CADPS: variants seen among roughly 807,000 people sequenced by gnomAD.
The protein encoded by CADPS is calcium-dependent secretion activator 1.
CADPS carries 57 observed loss-of-function variants against 167.3 expected under a neutral mutation model. The ratio of observed to expected loss-of-function variants is 0.34; its 90% confidence interval spans 0.28 to 0.42. The LOEUF is 0.42. Among genes scored for constraint, CADPS ranks in the 20% least tolerant of loss-of-function variants. CADPS has a pLI of 1.00. For synonymous variants in CADPS, 676 were observed against 635.3 expected, an observed-to-expected ratio of 1.06 and a Z score of -0.96; for missense variants, 1,414 against 1,738.1, an observed-to-expected ratio of 0.81 and a Z score of 3.32.
chr3:62,488,681 A>G (rs1180242281), intron 21 of CADPS, among the ~76,000 whole-genome samples: 3 of 151,784 alleles, frequency 2.0e-5, no homozygotes, highest in African/African-American at 7.3e-5. Context: ...GTAGAGATGG[A>G]GTCTGGTTAT....
intron 1 of CADPS, among the ~76,000 whole-genome samples, chr3:62,806,399 G>A (rs2094103465): frequency 6.6e-6 from 1 of 150,988 alleles, no homozygotes; most frequent in African/African-American, 2.4e-5. Context: ...GGGTGTGGTG[G>A]CATGCAACTG....
intron 3 of CADPS, among the ~76,000 whole-genome samples, chr3:62,752,859 T>A (rs1002786671): frequency 2.6e-5 from 4 of 152,268 alleles, no homozygotes; most frequent in African/African-American, 9.6e-5. Flanking sequence ...TATCAAGATA[T>A]GAGATACCTC....
chr3:62,727,308 C>G (rs899710416), intron 3 of CADPS, among the ~76,000 whole-genome samples: 1 of 151,826 alleles, frequency 6.6e-6, no homozygotes. Context: ...AAATAAAGCT[C>G]ATAGATGTGA....
At chr3:62,722,241 T>C (rs963701588) in intron 3 of CADPS, among the ~76,000 whole-genome samples, 4 of 152,202 alleles carry the variant, frequency 2.6e-5, no homozygotes, top group Non-Finnish European at 4.4e-5. Flanking sequence ...GAGGGGCTTC[T>C]TCCTACCTCT....
chr3:62,424,456 T>G (rs1294573955), intron 28 of CADPS, among the ~76,000 whole-genome samples: 1 of 152,164 alleles, frequency 6.6e-6, no homozygotes, highest in Non-Finnish European at 1.5e-5. Context: ...GTGCTGGTAC[T>G]ACAGGCATGA....
At chr3:62,603,605 AT>A (rs1027553102) in intron 6 of CADPS, among the ~76,000 whole-genome samples, 3 of 151,848 alleles carry the variant, frequency 2.0e-5, no homozygotes, top group African/African-American at 7.3e-5. Context: ...TAATGGGCTG[AT>A]TTTTTTTCTG....
intron 26 of CADPS, among the ~76,000 whole-genome samples, chr3:62,464,249 C>T (rs969868136): frequency 1.4e-4 from 21 of 152,176 alleles, no homozygotes; most frequent in African/African-American, 4.8e-4. Flanking sequence ...CAGCTGTTAA[C>T]ATTGGCAATG....
At chr3:62,623,801 T>A (rs556299120) in intron 6 of CADPS, among the ~76,000 whole-genome samples, 1 of 152,094 alleles carries the variant, frequency 6.6e-6, no homozygotes, top group Non-Finnish European at 1.5e-5. Context: ...CTTAAACCAC[T>A]GTTTCAGTCA....
intron 3 of CADPS, among the ~76,000 whole-genome samples, chr3:62,697,647 C>T (rs940141815): frequency 3.3e-5 from 5 of 152,048 alleles, no homozygotes; most frequent in African/African-American, 1.2e-4. Flanking sequence ...GGATCAAATG[C>T]TAAATCTACT....
At chr3:62,767,168 T>G (rs1347863100) in intron 1 of CADPS, among the ~76,000 whole-genome samples, 1 of 152,204 alleles carries the variant, frequency 6.6e-6, no homozygotes, top group Non-Finnish European at 1.5e-5. Context: ...AGTTAAACTT[T>G]TTGTAAAAAG....
chr3:62,779,423 T>A, intron 1 of CADPS: 1 of 485,380 alleles, frequency 2.1e-6, no homozygotes, highest in Non-Finnish European at 4.0e-6. Context: ...TTAATTTCAT[T>A]CTTGATTATT....
chr3:62,598,507 C>T (rs746340260), intron 6 of CADPS, among the ~76,000 whole-genome samples: 1 of 152,196 alleles, frequency 6.6e-6, no homozygotes, highest in Non-Finnish European at 1.5e-5. Flanking sequence ...ACGGAGAGAT[C>T]TGGCTATATT....
At chr3:62,704,973 C>G (rs1176504858) in intron 3 of CADPS, among the ~76,000 whole-genome samples, 1 of 152,090 alleles carries the variant, frequency 6.6e-6, no homozygotes, top group Non-Finnish European at 1.5e-5. Flanking sequence ...ATCAAGTGCA[C>G]AGGAACACCC....
intron 3 of CADPS, among the ~76,000 whole-genome samples, chr3:62,726,458 T>C (rs2076764490): frequency 1.3e-5 from 2 of 151,896 alleles, no homozygotes; most frequent in African/African-American, 4.9e-5. Flanking sequence ...CCTGAGTTCC[T>C]CAGTAGATCA....
chr3:62,717,918 C>T (rs779723960), intron 3 of CADPS, among the ~76,000 whole-genome samples: 8 of 152,178 alleles, frequency 5.3e-5, no homozygotes, highest in Non-Finnish European at 1.2e-4. Flanking sequence ...CACAACACAT[C>T]ACACTCAGTT....
chr3:62,831,087 A>G (rs1401609044), intron 1 of CADPS, among the ~76,000 whole-genome samples: 1 of 152,184 alleles, frequency 6.6e-6, no homozygotes, highest in East Asian at 1.9e-4. Flanking sequence ...CTTTAAGGGG[A>G]GGAGTGCATG....
chr3:62,752,983 C>G (rs928015651), intron 3 of CADPS, among the ~76,000 whole-genome samples: 4 of 152,212 alleles, frequency 2.6e-5, no homozygotes, highest in Non-Finnish European at 5.9e-5. Flanking sequence ...GACTAATATA[C>G]AGGTATCGGG....
intron 4 of CADPS, 47 bp downstream of exon 4, chr3:62,662,267 T>A (rs13093807): frequency 0.1 from 150,714 of 1,462,762 alleles, 8,508 homozygotes; most frequent in Non-Finnish European, 0.11. Flanking sequence ...GCTTCCTGAG[T>A]GGGACTTTGG....
At chr3:62,717,788 A>C (rs181372967) in intron 3 of CADPS, among the ~76,000 whole-genome samples, 48 of 152,204 alleles carry the variant, frequency 3.2e-4, no homozygotes, top group African/African-American at 1.1e-3. Context: ...CCTAAAATTC[A>C]CCAATGGTGT....
Sources: gnomAD v4.1 joint callset for allele counts (sites outside exome capture counted in the v4.1 genomes callset) on GRCh38, gnomAD v4.1.1 for gene constraint, MANE v1.5 for transcripts, NCBI Gene and HGNC (gene_info 2026-07-23, HGNC 2026-07-21) for gene names.